GFOD1: variants seen among roughly 807,000 people sequenced by gnomAD.
GFOD1 encodes Gfo/Idh/MocA-like oxidoreductase domain containing 1, also known as glucose-fructose oxidoreductase domain-containing protein 1.
Under a neutral mutation model 25.4 loss-of-function variants are expected in GFOD1, and 9 were observed. That is an observed-to-expected ratio of 0.35 (90% CI 0.21 to 0.62). The LOEUF is 0.62. GFOD1 is among the 20% of genes least tolerant of loss of function. The pLI is 0.72. For missense variants in GFOD1, 403 were observed against 556.9 expected (o/e 0.72, Z 2.78); for synonymous variants, 253 against 245.6 (o/e 1.03, Z -0.28).
chr6:13,476,955 G>C (rs1758635972), intron 1 of GFOD1, among the ~76,000 whole-genome samples: 1 of 152,088 alleles, frequency 6.6e-6, no homozygotes, highest in Non-Finnish European at 1.5e-5. Flanking sequence ...GAGTGTGACA[G>C]CCTCTTTACC....
intron 1 of GFOD1, among the ~76,000 whole-genome samples, chr6:13,384,168 G>A (rs1402904764): frequency 6.6e-6 from 1 of 152,230 alleles, no homozygotes; most frequent in Admixed American, 6.5e-5. Context: ...GGAGGTTGCA[G>A]TGAGCCGAGA....
chr6:13,386,423 C>T (rs1432256467), intron 1 of GFOD1, among the ~76,000 whole-genome samples: 3 of 152,184 alleles, frequency 2.0e-5, no homozygotes, highest in Admixed American at 6.5e-5. Context: ...GAAGGAATCT[C>T]GCGTACTTCG....
intron 1 of GFOD1, among the ~76,000 whole-genome samples, chr6:13,429,031 C>T (rs1757697985): frequency 6.6e-6 from 1 of 152,192 alleles, no homozygotes; most frequent in South Asian, 2.1e-4. Context: ...GATGCTCAGA[C>T]AGGACTCTAC....
intron 1 of GFOD1, among the ~76,000 whole-genome samples, chr6:13,374,993 T>G (rs896937912): frequency 6.6e-6 from 1 of 152,150 alleles, no homozygotes; most frequent in Non-Finnish European, 1.5e-5. Context: ...TCTGCCCACC[T>G]TGACCTCCCA....
At chr6:13,431,170 T>C (rs557428292) in intron 1 of GFOD1, among the ~76,000 whole-genome samples, 1 of 152,314 alleles carries the variant, frequency 6.6e-6, no homozygotes, top group East Asian at 1.9e-4. Flanking sequence ...CTGAGGTTAG[T>C]GGTGGTGGGG....
intron 1 of GFOD1, among the ~76,000 whole-genome samples, chr6:13,405,521 A>C (rs1012688131): frequency 1.3e-5 from 2 of 152,228 alleles, no homozygotes; most frequent in Non-Finnish European, 2.9e-5. Flanking sequence ...GCAAGTGGCT[A>C]GTGACTCTGA....
chr6:13,380,581 C>T (rs1321580766), intron 1 of GFOD1, among the ~76,000 whole-genome samples: 3 of 152,138 alleles, frequency 2.0e-5, no homozygotes, highest in Non-Finnish European at 2.9e-5. Flanking sequence ...GTTGGCATTG[C>T]TGGCTGGCTG....
intron 1 of GFOD1, among the ~76,000 whole-genome samples, chr6:13,434,679 G>A (rs967555795): frequency 2.6e-5 from 4 of 152,224 alleles, no homozygotes; most frequent in African/African-American, 9.6e-5. Flanking sequence ...ACTGGAAGGA[G>A]AAGTAGACAT....
At chr6:13,370,532 C>A (rs1785129692) in intron 1 of GFOD1, among the ~76,000 whole-genome samples, 2 of 152,098 alleles carry the variant, frequency 1.3e-5, no homozygotes, top group African/African-American at 4.8e-5. Flanking sequence ...TCTTCCCTTA[C>A]CCTACCTCTC....
intron 1 of GFOD1, among the ~76,000 whole-genome samples, chr6:13,381,107 G>C (rs796134235): frequency 1.3e-5 from 2 of 152,206 alleles, no homozygotes; most frequent in South Asian, 2.1e-4. Context: ...CTCACTCCTG[G>C]GGGTGGAGAG....
intron 1 of GFOD1, among the ~76,000 whole-genome samples, chr6:13,464,128 T>G (rs575975317): frequency 6.6e-6 from 1 of 152,300 alleles, no homozygotes; most frequent in South Asian, 2.1e-4. Context: ...CCCAAATGAC[T>G]CAGATCACGA....
chr6:13,464,077 G>C (rs1476930146), intron 1 of GFOD1, among the ~76,000 whole-genome samples: 1 of 152,184 alleles, frequency 6.6e-6, no homozygotes, highest in Non-Finnish European at 1.5e-5. Context: ...CTGCTGGCCT[G>C]CAGATGTTTG....
chr6:13,414,532 G>A (rs927526896), intron 1 of GFOD1, among the ~76,000 whole-genome samples: 4 of 152,332 alleles, frequency 2.6e-5, no homozygotes, highest in Admixed American at 2.0e-4. Flanking sequence ...TAGTCCAAGA[G>A]CTACTCTGCT....
chr6:13,362,997 G>A lies in GFOD1; in HGVS notation c.*1746C>T. ...GTAAAGACACCTGTTGGACTTCAGT[G>A]AGCCTGTGAACAAAAGCTACGTAGA... On this transcript the variant is annotated 3_prime_UTR_variant, in exon 2 of 2. Coordinates refer to ENST00000379287, the MANE Select transcript of GFOD1 (RefSeq NM_018988.4). The A allele has an allele frequency of 6.6e-6, 1 of 152,190 alleles. No individual in the cohort carries two copies. Among genetic ancestry groups the A allele is most frequent in the East Asian group, 1.9e-4 (1 of 5,198 alleles). 9.4% of individuals were successfully genotyped at this position (152,190 alleles called of 1,614,324 possible).
intron 1 of GFOD1, among the ~76,000 whole-genome samples, chr6:13,389,657 A>C (rs1785544973): frequency 6.6e-6 from 1 of 152,098 alleles, no homozygotes; most frequent in Non-Finnish European, 1.5e-5. Context: ...AGAAATACCT[A>C]ATGTAAATGA....
intron 1 of GFOD1, among the ~76,000 whole-genome samples, chr6:13,422,349 C>T (rs1046891569): frequency 2.6e-5 from 4 of 152,090 alleles, no homozygotes; most frequent in Admixed American, 6.6e-5. Context: ...CAGAAAATGG[C>T]GTAGCTGGAG....
chr6:13,470,569 T>TG, intron 1 of GFOD1: 1 of 1,520,320 alleles, frequency 6.6e-7, no homozygotes, highest in Non-Finnish European at 8.8e-7. Context: ...CAGAACCACG[T>TG]GGCATTTTTT....
intron 1 of GFOD1, among the ~76,000 whole-genome samples, chr6:13,380,530 G>C (rs1054718433): frequency 1.3e-5 from 2 of 152,252 alleles, no homozygotes; most frequent in South Asian, 4.1e-4. Context: ...CGAATGTCAA[G>C]TTCAATTTAT....
intron 1 of GFOD1, among the ~76,000 whole-genome samples, chr6:13,370,030 A>G (rs968356766): frequency 6.6e-6 from 1 of 152,234 alleles, no homozygotes; most frequent in African/African-American, 2.4e-5. Flanking sequence ...AAAAATCCAC[A>G]AAGAGACAGG....
Sources: gnomAD v4.1 joint callset for allele counts (sites outside exome capture counted in the v4.1 genomes callset) on GRCh38, gnomAD v4.1.1 for gene constraint, MANE v1.5 for transcripts, NCBI Gene and HGNC (gene_info 2026-07-23, HGNC 2026-07-21) for gene names.